Variants in COPG2 observed in about 807,000 individuals in gnomAD.
COPG2 encodes the protein coat protein complex I subunit gamma 2, also known as coatomer subunit gamma-2.
A neutral mutation model predicts 46.3 loss-of-function variants in COPG2; 37 were observed. The observed-to-expected ratio is 0.80, with a 90% CI of 0.61 to 1.05. The LOEUF is 1.05. Among genes scored for constraint, COPG2 ranks in the 50% least tolerant of loss-of-function variants. The pLI is 0.00. For synonymous variants in COPG2, 159 were observed against 129.7 expected (o/e 1.23, Z -1.53); for missense variants, 427 against 387.8 (o/e 1.10, Z -0.85).
chr7:130,599,777 T>C (rs986452094), intron 9 of COPG2, among the ~76,000 whole-genome samples: 4 of 152,184 alleles, frequency 2.6e-5, no homozygotes, highest in African/African-American at 9.7e-5. Context: ...TAATTTGCTC[T>C]GGGGGTAAAT....
chr7:130,645,827 A>G (rs1795584852), intron 5 of COPG2, among the ~76,000 whole-genome samples: 1 of 152,144 alleles, frequency 6.6e-6, no homozygotes, highest in Non-Finnish European at 1.5e-5. Context: ...AACTTTCTCT[A>G]AATACTCTCA....
At chr7:130,598,683 G>A (rs1584992258) in intron 9 of COPG2, among the ~76,000 whole-genome samples, 1 of 152,154 alleles carries the variant, frequency 6.6e-6, no homozygotes, top group South Asian at 2.1e-4. Context: ...TCAACTGCTC[G>A]GAGGGGCTTG....
chr7:130,556,991 C>T (rs1379846149), intron 12 of COPG2, among the ~76,000 whole-genome samples: 3 of 152,084 alleles, frequency 2.0e-5, no homozygotes, highest in Non-Finnish European at 4.4e-5. Context: ...AATTATTTAG[C>T]ATTATTCTGG....
At chr7:130,574,319 T>C (rs1003581506) in intron 9 of COPG2, among the ~76,000 whole-genome samples, 1 of 152,132 alleles carries the variant, frequency 6.6e-6, no homozygotes, top group Admixed American at 6.5e-5. Flanking sequence ...TCCCAGCACT[T>C]TGGATGGCTG....
intron 14 of COPG2, among the ~76,000 whole-genome samples, chr7:130,553,886 G>GT (rs1793574276): frequency 6.6e-6 from 1 of 152,124 alleles, no homozygotes; most frequent in Non-Finnish European, 1.5e-5. Flanking sequence ...GTAAACAAAG[G>GT]TAAGAACATT....
At chr7:130,638,430 G>C (rs1268902623) in intron 5 of COPG2, among the ~76,000 whole-genome samples, 1 of 152,212 alleles carries the variant, frequency 6.6e-6, no homozygotes, top group African/African-American at 2.4e-5. Context: ...TGCCCAGAGA[G>C]GAGGAATCTA....
At chr7:130,517,391 T>C (rs1406405774) in intron 20 of COPG2, among the ~76,000 whole-genome samples, 1 of 152,158 alleles carries the variant, frequency 6.6e-6, no homozygotes, top group Non-Finnish European at 1.5e-5. Flanking sequence ...GAAGGCCCAA[T>C]GGTAATGAAT....
intron 3 of COPG2, among the ~76,000 whole-genome samples, chr7:130,665,490 CTA>C (rs1247785912): frequency 9.2e-5 from 14 of 152,010 alleles, no homozygotes; most frequent in African/African-American, 2.9e-4. Flanking sequence ...AAAAAAAAAA[CTA>C]TGTTTGTACT....
At chr7:130,528,601 G>A (rs974359407) in intron 20 of COPG2, among the ~76,000 whole-genome samples, 1 of 151,934 alleles carries the variant, frequency 6.6e-6, no homozygotes, top group Non-Finnish European at 1.5e-5. Context: ...GGACAGTACC[G>A]TGCTATGCAG....
chr7:130,668,535 C>G, intron 1 of COPG2, 97 bp downstream of exon 1: 1 of 1,164,362 alleles, frequency 8.6e-7, no homozygotes, highest in Non-Finnish European at 1.1e-6. Context: ...ACGGCGGCGC[C>G]CACGCCCCCA....
intron 5 of COPG2, among the ~76,000 whole-genome samples, chr7:130,638,063 C>T (rs1407524832): frequency 6.6e-6 from 1 of 152,180 alleles, no homozygotes; most frequent in African/African-American, 2.4e-5. Context: ...GGCCGCAGAA[C>T]AGCAAAGATT....
At chr7:130,662,467 G>A (rs1795997302) in intron 4 of COPG2, among the ~76,000 whole-genome samples, 1 of 152,208 alleles carries the variant, frequency 6.6e-6, no homozygotes, top group African/African-American at 2.4e-5. Flanking sequence ...TTAGAAGACA[G>A]ACAAAAAGCA....
chr7:130,510,201 G>T lies in COPG2; in HGVS notation c.2150-1542C>A, dbSNP rs782537371. The T allele has an allele frequency of 5.8e-6, 3 of 520,054 alleles. No homozygotes were observed. In the Admixed American group the frequency reaches 5.8e-5, roughly 10 times the overall value. The allele number at this position is 520,054 out of a possible 1,614,324, so 32.2% of individuals were successfully genotyped here. A position where few individuals can be genotyped will look rare whatever the true frequency, so the allele number is the denominator to read the frequency against. On this transcript the variant is annotated intron_variant, in intron 20 of 23. Coordinates refer to ENST00000425248, the MANE Select transcript of COPG2 (RefSeq NM_012133.6). ...ATGGGTCTGAATTCAGAGAGCAGAT[G>T]GATTCAACAGAATATGCTGAAAACA...
At chr7:130,549,013 G>T (rs1793491265) in intron 18 of COPG2, among the ~76,000 whole-genome samples, 1 of 143,908 alleles carries the variant, frequency 6.9e-6, no homozygotes. Flanking sequence ...TTTCAAGTAA[G>T]TAAGCTTATA....
At chr7:130,518,379 T>C (rs1197543423) in intron 20 of COPG2, among the ~76,000 whole-genome samples, 4 of 152,168 alleles carry the variant, frequency 2.6e-5, no homozygotes, top group Non-Finnish European at 4.4e-5. Context: ...GAATCTTGAT[T>C]CAAAGCCACT....
At chr7:130,560,114 C>A (rs2116400326) in intron 12 of COPG2, among the ~76,000 whole-genome samples, 1 of 152,034 alleles carries the variant, frequency 6.6e-6, no homozygotes, top group Admixed American at 6.5e-5. Flanking sequence ...TAGATAATCT[C>A]AAGGAATACG....
intron 20 of COPG2, 121 bp downstream of exon 20, chr7:130,547,553 A>T: frequency 7.5e-6 from 3 of 397,466 alleles, no homozygotes; most frequent in Non-Finnish European, 8.9e-6. Flanking sequence ...CACACACACA[A>T]ACACTCATCA....
intron 5 of COPG2, among the ~76,000 whole-genome samples, chr7:130,630,056 A>AC (rs1795200296): frequency 6.6e-6 from 1 of 151,858 alleles, no homozygotes; most frequent in Non-Finnish European, 1.5e-5. Context: ...TACTGGGATT[A>AC]CAGACACGCG....
At chr7:130,641,338 G>A (rs907253785) in intron 5 of COPG2, among the ~76,000 whole-genome samples, 10 of 152,082 alleles carry the variant, frequency 6.6e-5, no homozygotes, top group African/African-American at 2.4e-4. Context: ...AAATATAAAG[G>A]GTATCAAAGA....
Sources: gnomAD v4.1 joint callset for allele counts (sites outside exome capture counted in the v4.1 genomes callset) on GRCh38, gnomAD v4.1.1 for gene constraint, MANE v1.5 for transcripts, NCBI Gene and HGNC (gene_info 2026-07-23, HGNC 2026-07-21) for gene names.